The following HTN1 variants were observed in gnomAD, a reference collection of about 807,000 sequenced individuals.
HTN1 encodes the protein histatin-1.
A neutral mutation model predicts 11.2 loss-of-function variants in HTN1; 18 were observed. The observed-to-expected ratio is 1.61, with a 90% CI of 1.12 to 2.39. The LOEUF (loss-of-function observed/expected upper bound fraction) is 2.39. HTN1 is among the 30% of genes most tolerant of loss of function. HTN1 has a pLI of 0.00. For synonymous variants in HTN1, 21 were observed against 20.5 expected (o/e 1.02, Z -0.07); for missense variants, 80 against 67.2 (o/e 1.19, Z -0.67).
rs1307058304 is a variant in HTN1 at position 70,052,953 on chromosome 4, G to A, written c.-13-111G>A. ...GCTCATGCCCCTGCACTCCAGCCTG[G>A]AAAACAGAGCATGTCTCCCAATGCT... On this transcript the variant is annotated intron_variant, in intron 1 of 5. Coordinates refer to ENST00000246896, the MANE Select transcript of HTN1 (RefSeq NM_002159.4). 14 of 719,794 alleles carry A rather than the reference G, an allele frequency of 1.9e-5. No individual in the cohort carries two copies. The Admixed American group carries it at 3.0e-4, about 15-fold the overall frequency. The allele number at this position is 719,794 out of a possible 1,614,324, so 44.6% of individuals were successfully genotyped here. A position where few individuals can be genotyped will look rare whatever the true frequency, so the allele number is the denominator to read the frequency against.
intron 4 of HTN1, among the ~76,000 whole-genome samples, 199 bp from the exon 5 acceptor site, chr4:70,055,299 T>C (rs1391211306): frequency 1.3e-5 from 2 of 152,066 alleles, no homozygotes; most frequent in African/African-American, 4.8e-5. Context: ...AAACAGTAAA[T>C]ACTTTATCAT....
chr4:70,052,130 A>G (rs1345712081), intron 1 of HTN1, among the ~76,000 whole-genome samples: 2 of 152,152 alleles, frequency 1.3e-5, no homozygotes, highest in Non-Finnish European at 2.9e-5. Context: ...GAAATATTGA[A>G]TAATCTTCAC....
intron 1 of HTN1, among the ~76,000 whole-genome samples, chr4:70,052,002 T>G (rs1474159933): frequency 6.6e-6 from 1 of 152,186 alleles, no homozygotes; most frequent in African/African-American, 2.4e-5. Flanking sequence ...AATTTAGAAA[T>G]AAGTAACCTG....
chr4:70,056,445 ACT>A (rs1470476665), intron 5 of HTN1: 1 of 152,176 alleles, frequency 6.6e-6, no homozygotes, highest in Non-Finnish European at 1.5e-5. Context: ...TGAGAAGAAA[ACT>A]TAGGTGATAC....
chr4:70,053,592 C>T (rs1725954901), intron 2 of HTN1, among the ~76,000 whole-genome samples: 1 of 152,124 alleles, frequency 6.6e-6, no homozygotes, highest in African/African-American at 2.4e-5. Flanking sequence ...TAAAATAAAG[C>T]TGCTTATTTT....
rs762857715 is a variant in HTN1 at position 70,053,082 on chromosome 4, GT to G, written c.12del (p.Phe4LeufsTer5). ...TTTATAGGACTCAGCCAACTATGAA[GT>G]TTTTTGTCTTTGCTTTAGTCTTGGC... The part of the protein sequence containing the change: MK[F>X]FVFALVLALM... On this transcript the variant is annotated frameshift_variant, in exon 2 of 6. Coordinates refer to ENST00000246896, the MANE Select transcript of HTN1 (RefSeq NM_002159.4). LOFTEE classifies it high-confidence loss of function. 7 of 1,608,716 alleles carry G rather than the reference GT, an allele frequency of 4.4e-6. No individual in the cohort carries two copies. In the East Asian group the frequency reaches 1.1e-4, roughly 26 times the overall value.
intron 4 of HTN1, among the ~76,000 whole-genome samples, chr4:70,054,751 A>G (rs1449898465): frequency 1.3e-5 from 2 of 152,076 alleles, no homozygotes; most frequent in Non-Finnish European, 2.9e-5. Context: ...TCCTAATTCT[A>G]TTAAGTATAA....
rs2109723885 is a variant in HTN1 at position 70,050,474 on chromosome 4, T to G, written c.-35T>G. On this transcript the variant is annotated 5_prime_UTR_variant, in exon 1 of 6. Transcript: ENST00000246896. ...CTTCACTTCAGCTTCACTGACTTCT[T>G]GACTCTCCTCTTGAGTAAAAGGTAA... 6.6e-6 allele frequency: 1 copy of G among 152,284 alleles called. No individual in the cohort carries two copies. Among genetic ancestry groups the G allele is most frequent in the African/African-American group, 2.4e-5 (1 of 41,576 alleles). The allele number at this position is 152,284 out of a possible 1,614,324, so 9.4% of individuals were successfully genotyped here.
chr4:70,058,290 T>C (rs1182176455), intron 5 of HTN1: 1 of 152,026 alleles, frequency 6.6e-6, no homozygotes, highest in Non-Finnish European at 1.5e-5. Context: ...TTGGGGGAGA[T>C]AGATGAAATG....
chr4:70,053,177 A>C, intron 2 of HTN1, 50 bp downstream of exon 2: 3 of 1,193,918 alleles, frequency 2.5e-6, no homozygotes, highest in Non-Finnish European at 3.7e-6. Context: ...ACTTATCCCA[A>C]GTGTCTCTCT....
At chr4:70,051,424 T>C (rs958622577) in intron 1 of HTN1, among the ~76,000 whole-genome samples, 22 of 152,156 alleles carry the variant, frequency 1.4e-4, no homozygotes, top group African/African-American at 4.3e-4. Flanking sequence ...GATGTGTTAC[T>C]TGGGAAATAT....
chr4:70,054,029 C>T (rs927370643), intron 2 of HTN1, among the ~76,000 whole-genome samples: 8 of 152,080 alleles, frequency 5.3e-5, no homozygotes, highest in African/African-American at 1.9e-4. Context: ...TCCAGAGTTT[C>T]ATTTTTCAGT....
chr4:70,055,117 C>T (rs1725999427), intron 4 of HTN1, among the ~76,000 whole-genome samples: 1 of 151,942 alleles, frequency 6.6e-6, no homozygotes, highest in Non-Finnish European at 1.5e-5. Context: ...AAAGGAATGA[C>T]ATTAAGAAGC....
At chr4:70,055,857 T>A (rs899274856) in intron 5 of HTN1, 8 of 247,212 alleles carry the variant, frequency 3.2e-5, no homozygotes, top group Non-Finnish European at 1.5e-5. Context: ...CTTTGTAGTA[T>A]AGTTTGAAGT....
intron 5 of HTN1, chr4:70,057,048 A>T (rs1386115638): frequency 6.6e-6 from 1 of 152,238 alleles, no homozygotes; most frequent in East Asian, 1.9e-4. Context: ...ATATACCCAA[A>T]GGAACGTAAA....
chr4:70,053,243 T>G, intron 2 of HTN1, 116 bp downstream of exon 2: 1 of 612,798 alleles, frequency 1.6e-6, no homozygotes, highest in Non-Finnish European at 2.9e-6. Context: ...TTTATAAGCT[T>G]TAATATTTCC....
At chr4:70,053,490 C>A (rs759325327) in intron 2 of HTN1, among the ~76,000 whole-genome samples, 3 of 152,104 alleles carry the variant, frequency 2.0e-5, no homozygotes, top group Admixed American at 6.6e-5. Context: ...TTCAATGGAA[C>A]CCAAGTATTA....
At chr4:70,051,585 T>C (rs775548513) in intron 1 of HTN1, among the ~76,000 whole-genome samples, 17 of 152,156 alleles carry the variant, frequency 1.1e-4, no homozygotes, top group Non-Finnish European at 2.2e-4. Context: ...AAAATTCTCA[T>C]GCCTTTTGTA....
At chr4:70,055,045 G>A (rs536393118) in intron 4 of HTN1, among the ~76,000 whole-genome samples, 22 of 151,990 alleles carry the variant, frequency 1.4e-4, no homozygotes, top group Non-Finnish European at 2.8e-4. Flanking sequence ...GATGAAGACT[G>A]TTTGTGTTAA....
Sources: allele counts gnomAD v4.1 joint callset (sites outside exome capture counted in the v4.1 genomes callset), GRCh38; gene constraint gnomAD v4.1.1; transcripts MANE v1.5; gene names NCBI Gene and HGNC (gene_info 2026-07-23, HGNC 2026-07-21).